Variants in VAV2 observed in about 807,000 individuals in gnomAD.
The protein encoded by VAV2 is guanine nucleotide exchange factor VAV2.
A neutral mutation model predicts 132.5 loss-of-function variants in VAV2; 67 were observed. That is an observed-to-expected ratio of 0.51 (90% CI 0.42 to 0.62). The LOEUF (loss-of-function observed/expected upper bound fraction) is 0.62, where lower values mean the gene tolerates loss of function less well. VAV2 is among the 20% of genes least tolerant of loss of function. The pLI is 0.00. For missense variants in VAV2, 938 were observed against 1,153.6 expected (o/e 0.81, Z 2.71); for synonymous variants, 492 against 443.5 (o/e 1.11, Z -1.37).
At position 133,812,111 on chromosome 9, in the gene VAV2, C is replaced by T. The variant is rs1835379314; in HGVS notation, c.552+3G>A. 6.2e-7 allele frequency: 1 copy of T among 1,613,666 alleles called. No homozygotes were observed. Among genetic ancestry groups the T allele is most frequent in the Non-Finnish European group, 8.5e-7 (1 of 1,179,918 alleles). On this transcript the variant is annotated splice_donor_region_variant and intron_variant, in intron 5 of 29. Coordinates refer to ENST00000371850, the MANE Select transcript of VAV2 (RefSeq NM_001134398.2). ...AGGGAGGGAGGAGCGGGGCAGGGCTCACCATGGGCTGCTGCACCTCCACCT... is the reference window on the plus strand; with the variant it reads ...AGGGAGGGAGGAGCGGGGCAGGGCTTACCATGGGCTGCTGCACCTCCACCT...
intron 22 of VAV2, among the ~76,000 whole-genome samples, chr9:133,778,127 T>A (rs912614894): frequency 1.3e-5 from 2 of 151,138 alleles, no homozygotes; most frequent in Non-Finnish European, 2.9e-5. Context: ...GAAGGGCAAA[T>A]GTGCCCAGAA....
chr9:133,775,057 G>A lies in VAV2; in HGVS notation c.2019-6C>T. 6.3e-7 allele frequency: 1 copy of A among 1,598,610 alleles called. No individual in the cohort carries two copies. The highest frequency in any genetic ancestry group is 2.3e-5 in the East Asian group (1 of 43,864). Reference sequence around the variant, plus strand: ...TCTCCATGTTACCTGCAAACCTACAGGAGGGGGCCGGGAGGAAACGAGAGC... The same window carrying A: ...TCTCCATGTTACCTGCAAACCTACAAGAGGGGGCCGGGAGGAAACGAGAGC... On this transcript the variant is annotated splice_region_variant and splice_polypyrimidine_tract_variant and intron_variant, in intron 24 of 29. Transcript: ENST00000371850.
rs1186711671 is a variant in VAV2, at chr9:133,885,846, C to T, written c.322-24414G>A. ...CCCTTGGGCTGGAAGGAACCACAGG[C>T]GCCACTGGGACGGCCCATTGGTGAC... On this transcript the variant is annotated intron_variant, in intron 2 of 29. Transcript: ENST00000371850. The surrounding 1 kb of genome is among the most constrained non-coding windows in gnomAD (Gnocchi z 5.0). Among the ~76,000 whole-genome samples, 2 of 152,204 alleles carry T rather than the reference C, an allele frequency of 1.3e-5. No individual in the cohort carries two copies.
intron 19 of VAV2, among the ~76,000 whole-genome samples, chr9:133,782,129 A>T (rs747261807): frequency 6.6e-6 from 1 of 152,140 alleles, no homozygotes; most frequent in Non-Finnish European, 1.5e-5. Flanking sequence ...GAACAGAAAG[A>T]TTACAAAAAA....
At chr9:133,796,943 C>T (rs889310430) in intron 10 of VAV2, among the ~76,000 whole-genome samples, 1 of 152,224 alleles carries the variant, frequency 6.6e-6, no homozygotes, top group Admixed American at 6.5e-5. Context: ...AGGTGGGGCA[C>T]CAACTTGCAC....
chr9:133,788,242 C>CCCCA lies in VAV2; in HGVS notation c.1407+111_1407+112insTGGG. 5.1e-6 allele frequency: 6 copies of CCCCA among 1,165,370 alleles called. No homozygotes were observed. The highest frequency in any genetic ancestry group is 7.3e-6 in the Non-Finnish European group (6 of 827,208). The allele number at this position is 1,165,370 out of a possible 1,614,324, so 72.2% of individuals were successfully genotyped here. A position where few individuals can be genotyped will look rare whatever the true frequency, so the allele number is the denominator to read the frequency against. ...GAGACGCCCACCCCAACCCACCCGGCCAGCATCAGCGGCTGACTTCGAGTC... is the reference window on the plus strand; with the variant it reads ...GAGACGCCCACCCCAACCCACCCGGCCCCACAGCATCAGCGGCTGACTTCGAGTC... On this transcript the variant is annotated intron_variant, in intron 15 of 29. Coordinates refer to ENST00000371850, the MANE Select transcript of VAV2 (RefSeq NM_001134398.2). This position sits in a 1 kb window ranked among gnomAD's most constrained non-coding sequence, Gnocchi z 5.3.
chr9:133,875,515 G>A lies in VAV2; in HGVS notation c.322-14083C>T, dbSNP rs143807517. Among the ~76,000 whole-genome samples, 524 of 152,322 alleles carry A rather than the reference G, an allele frequency of 3.4e-3. 2 individuals are homozygous for A. The highest frequency in any genetic ancestry group is 6.8e-3 in the Middle Eastern group (2 of 294). ...AGAGTCTGAGCAGCTCGAAGTGAGG[G>A]CTGCCTGGAGGAGGCGCAGGCCTAT... is the stretch of plus-strand genomic sequence containing the variant. On this transcript the variant is annotated intron_variant, in intron 2 of 29. Coordinates refer to ENST00000371850, the MANE Select transcript of VAV2 (RefSeq NM_001134398.2).
At chr9:133,780,805 G>A in intron 19 of VAV2, 95 bp from the exon 20 acceptor site, 8 of 1,228,440 alleles carry the variant, frequency 6.5e-6, no homozygotes. Flanking sequence ...TCTGGGCCGA[G>A]CTTAAGATGG....
intron 1 of VAV2, among the ~76,000 whole-genome samples, chr9:133,944,849 C>A (rs1841303271): frequency 1.3e-5 from 2 of 152,218 alleles, no homozygotes; most frequent in Admixed American, 6.5e-5. Context: ...TGGGAGGTGA[C>A]CCTCGCTGCT....
At chr9:133,795,633 G>A (rs368003816) in intron 12 of VAV2, 35 bp downstream of exon 12, 15 of 1,611,182 alleles carry the variant, frequency 9.3e-6, no homozygotes, top group Middle Eastern at 1.7e-4. Flanking sequence ...TAAGCCAGAC[G>A]GTGGCTTCTC....
chr9:133,886,887 A>G (rs1167184468), intron 2 of VAV2, among the ~76,000 whole-genome samples: 2 of 152,226 alleles, frequency 1.3e-5, no homozygotes, highest in African/African-American at 4.8e-5. Context: ...GGTGGACAGG[A>G]AAAGGTGTGT....
At chr9:133,783,922 C>G (rs184520442) in intron 18 of VAV2, among the ~76,000 whole-genome samples, 1 of 147,682 alleles carries the variant, frequency 6.8e-6, no homozygotes, top group African/African-American at 2.5e-5. Flanking sequence ...ACTCTGTCAC[C>G]CAGGCTGGAG....
rs531056488 is a variant in VAV2 at position 133,864,374 on chromosome 9, G to A, written c.322-2942C>T. On this transcript the variant is annotated intron_variant, in intron 2 of 29. Coordinates refer to ENST00000371850, the MANE Select transcript of VAV2 (RefSeq NM_001134398.2). Reference sequence around the variant, plus strand: ...TCAGGCCTCTGTGCCATTCACCAACGTCCAGGCCTCACCAGGCCACGCTTG... The same window carrying A: ...TCAGGCCTCTGTGCCATTCACCAACATCCAGGCCTCACCAGGCCACGCTTG... 3.3e-5 allele frequency among the ~76,000 whole-genome samples: 5 copies of A among 152,294 alleles called. No individual in the cohort carries two copies. In the South Asian group the frequency reaches 6.2e-4, roughly 19 times the overall value.
rs773952259 is a variant in VAV2 at position 133,788,383 on chromosome 9, C to T, written c.1378G>A (p.Asp460Asn). ...IELLFHKMTDDPMNNKDVKKS... is the reference protein window; with the variant it reads ...IELLFHKMTDNPMNNKDVKKS... Reference sequence around the variant, plus strand: ...TTGACGTCCTTGTTGTTCATGGGGTCGTCGGTCATCTTGTGGAACAGCAGC... The same window carrying T: ...TTGACGTCCTTGTTGTTCATGGGGTTGTCGGTCATCTTGTGGAACAGCAGC... Residue 460 changes from aspartate to asparagine, a missense_variant, in exon 15 of 30, where the codon GAC (aspartate) becomes AAC (asparagine). Transcript: ENST00000371850. The surrounding 1 kb of genome is among the most constrained non-coding windows in gnomAD (Gnocchi z 5.3). 20 of 1,610,958 alleles carry T rather than the reference C, an allele frequency of 1.2e-5. No individual in the cohort carries two copies. The highest frequency in any genetic ancestry group is 2.2e-5 in the South Asian group (2 of 91,010).
intron 3 of VAV2, among the ~76,000 whole-genome samples, chr9:133,860,017 C>T (rs952996373): frequency 1.3e-5 from 2 of 152,138 alleles, no homozygotes; most frequent in African/African-American, 4.8e-5. Flanking sequence ...AAGAGTCTAT[C>T]CATGGCCGGG....
chr9:133,969,554 A>G lies in VAV2; in HGVS notation c.204+22521T>C, dbSNP rs1190847946. On this transcript the variant is annotated intron_variant, in intron 1 of 29. Coordinates refer to ENST00000371850, the MANE Select transcript of VAV2 (RefSeq NM_001134398.2). This position sits in a 1 kb window ranked among gnomAD's most constrained non-coding sequence, Gnocchi z 5.1. ...AACACCCCAACCCTGACCAGAGCGG[A>G]TTCCAGGAAGGCTGCTGGGAGAACC... Among the ~76,000 whole-genome samples, 1 of 151,954 alleles carries G rather than the reference A, an allele frequency of 6.6e-6. No homozygotes were observed. Among genetic ancestry groups the G allele is most frequent in the Non-Finnish European group, 1.5e-5 (1 of 67,976 alleles).
chr9:133,851,918 T>C (rs1177424410), intron 3 of VAV2, among the ~76,000 whole-genome samples: 1 of 140,122 alleles, frequency 7.1e-6, no homozygotes, highest in African/African-American at 2.9e-5. Flanking sequence ...GGTGGATGGA[T>C]GGATGGATGG....
chr9:133,830,252 C>G (rs1836212417), intron 4 of VAV2, among the ~76,000 whole-genome samples: 1 of 152,206 alleles, frequency 6.6e-6, no homozygotes, highest in African/African-American at 2.4e-5. Context: ...AAGCAAAGAA[C>G]AGGTGCGTTC....
chr9:133,817,374 C>T (rs1375647466), intron 4 of VAV2, among the ~76,000 whole-genome samples: 1 of 152,236 alleles, frequency 6.6e-6, no homozygotes, highest in Non-Finnish European at 1.5e-5. Context: ...AACTTCCAGC[C>T]TGGCGTGGTG....
Sources: gnomAD v4.1 joint callset for allele counts (sites outside exome capture counted in the v4.1 genomes callset) on GRCh38, gnomAD v4.1.1 for gene constraint, Gnocchi (gnomAD v3.1) non-coding constraint, MANE v1.5 for transcripts, NCBI Gene and HGNC (gene_info 2026-07-23, HGNC 2026-07-21) for gene names.